FAS: variants seen among roughly 807,000 people sequenced by gnomAD.
FAS encodes Fas cell surface death receptor, also known as tumor necrosis factor receptor superfamily member 6.
A neutral mutation model predicts 33.2 loss-of-function variants in FAS; 5 were observed. That is an observed-to-expected ratio of 0.15 (90% CI 0.08 to 0.32). The LOEUF (loss-of-function observed/expected upper bound fraction) is 0.32, where lower values mean the gene tolerates loss of function less well. Ranked by LOEUF, FAS falls within the 10% of genes least tolerant of loss-of-function variation. The pLI is 1.00. For missense variants in FAS, 339 were observed against 386.0 expected (o/e 0.88, Z 1.02); for synonymous variants, 131 against 130.7 (o/e 1.00, Z -0.01).
intron 1 of FAS, among the ~76,000 whole-genome samples, chr10:89,001,013 C>G (rs1256284514): frequency 6.6e-6 from 1 of 152,238 alleles, no homozygotes; most frequent in African/African-American, 2.4e-5. Flanking sequence ...GATTGTGCCA[C>G]TGTGCTCCAG....
chr10:88,996,743 AT>A (rs1272943803), intron 1 of FAS, among the ~76,000 whole-genome samples: 1 of 152,232 alleles, frequency 6.6e-6, no homozygotes, highest in East Asian at 1.9e-4. Context: ...GTTATATACC[AT>A]AAATATATAT....
upstream of FAS, chr10:88,990,405 A>G (rs1013189911): frequency 4.0e-5 from 18 of 445,952 alleles, no homozygotes; most frequent in Admixed American, 3.7e-4. This position sits in a 1 kb window ranked among gnomAD's most constrained non-coding sequence, Gnocchi z 4.9. Flanking sequence ...TAGAAAGGGC[A>G]GGAGGCCGGC....
At chr10:88,992,878 A>G (rs760170390) in intron 1 of FAS, among the ~76,000 whole-genome samples, 2 of 152,184 alleles carry the variant, frequency 1.3e-5, no homozygotes, top group Non-Finnish European at 2.9e-5. Flanking sequence ...GTGTCACCTC[A>G]TGTGTCTACA....
intron 2 of FAS, among the ~76,000 whole-genome samples, chr10:88,975,911 G>A (rs1846550944): frequency 6.6e-6 from 1 of 152,142 alleles, no homozygotes; most frequent in Non-Finnish European, 1.5e-5. Context: ...TATGCAGTGA[G>A]ATTAATAGAA....
chr10:89,015,141 C>A lies in FAS; in HGVS notation c.*691C>A. ...CATTTTACTGGCTCAAAACTACCTA[C>A]TTCTTTCTCAGGCATCAAAAGCATT... On this transcript the variant is annotated 3_prime_UTR_variant, in exon 9 of 9. Coordinates refer to ENST00000652046, the MANE Select transcript of FAS (RefSeq NM_000043.6). The A allele has an allele frequency of 1.9e-6, 1 of 534,884 alleles. No individual in the cohort carries two copies. The highest frequency in any genetic ancestry group is 1.5e-5 in the South Asian group (1 of 65,174). 33.1% of individuals were successfully genotyped at this position (534,884 alleles called of 1,614,324 possible). A position where few individuals can be genotyped will look rare whatever the true frequency, so the allele number is the denominator to read the frequency against.
chr10:88,967,061 G>T (rs1419250716), intron 1 of FAS, among the ~76,000 whole-genome samples: 2 of 152,158 alleles, frequency 1.3e-5, no homozygotes, highest in Non-Finnish European at 2.9e-5. Context: ...ACATACTTTA[G>T]CCCCTAGAAA....
chr10:88,995,677 A>C (rs1363963588), intron 1 of FAS, among the ~76,000 whole-genome samples: 1 of 152,088 alleles, frequency 6.6e-6, no homozygotes, highest in Non-Finnish European at 1.5e-5. Context: ...AAAATACACA[A>C]ATTAGCTGGG....
intron 2 of FAS, among the ~76,000 whole-genome samples, chr10:89,006,674 T>G (rs879577202): frequency 6.6e-6 from 1 of 152,182 alleles, no homozygotes; most frequent in Non-Finnish European, 1.5e-5. Context: ...GCACTTGATA[T>G]CAATATATTT....
upstream of FAS, chr10:88,989,625 C>G (rs1344644129): frequency 9.5e-6 from 5 of 526,556 alleles, no homozygotes; most frequent in Non-Finnish European, 3.8e-6. Flanking sequence ...GGAAAGCCCT[C>G]AGGAGGGTAA....
At chr10:89,007,004 T>G (rs1450634918) in intron 2 of FAS, among the ~76,000 whole-genome samples, 2 of 152,216 alleles carry the variant, frequency 1.3e-5, no homozygotes, top group African/African-American at 4.8e-5. Context: ...AACTCATCAG[T>G]ACATATCCTG....
At chr10:89,002,724 G>C (rs1847998666) in intron 1 of FAS, 1 of 391,278 alleles carries the variant, frequency 2.6e-6, no homozygotes, top group South Asian at 2.4e-5. Flanking sequence ...ACTGAGACTT[G>C]GAGAATGTAA....
At chr10:88,989,475 A>G (rs1329192177), upstream of FAS, 1 of 543,194 alleles carries the variant, frequency 1.8e-6, no homozygotes, top group African/African-American at 1.9e-5. Context: ...TTAGATGCTC[A>G]GAGTGTGTGC....
At chr10:88,970,459 A>G (rs1272482298) in intron 1 of FAS, among the ~76,000 whole-genome samples, 1 of 152,176 alleles carries the variant, frequency 6.6e-6, no homozygotes, top group Non-Finnish European at 1.5e-5. Flanking sequence ...GAGGGCGTTC[A>G]GTTAGTGCTG....
upstream of FAS, among the ~76,000 whole-genome samples, chr10:88,982,302 T>G (rs1846730141): frequency 6.6e-6 from 1 of 152,234 alleles, no homozygotes; most frequent in Non-Finnish European, 1.5e-5. Context: ...CTAAGTGATC[T>G]AAATGAAGAG....
At chr10:88,985,612 T>C (rs930251981), upstream of FAS, among the ~76,000 whole-genome samples, 2 of 152,198 alleles carry the variant, frequency 1.3e-5, no homozygotes, top group African/African-American at 2.4e-5. Context: ...CAGCCTTTTC[T>C]AACAGGGAAA....
intron 2 of FAS, among the ~76,000 whole-genome samples, chr10:88,976,676 G>A (rs1021294495): frequency 7.9e-5 from 12 of 152,150 alleles, no homozygotes; most frequent in African/African-American, 2.7e-4. Flanking sequence ...ACCAACTATT[G>A]AGACAGATGA....
At chr10:88,989,158 G>A (rs1847018173), upstream of FAS, among the ~76,000 whole-genome samples, 1 of 152,040 alleles carries the variant, frequency 6.6e-6, no homozygotes, top group Non-Finnish European at 1.5e-5. Context: ...ATCTCACTGG[G>A]CTATAATGAT....
rs1290926270 is a variant in FAS, at chr10:88,990,891, G to A, written c.15G>A (p.Trp5Ter). 1.2e-6 allele frequency: 2 copies of A among 1,614,122 alleles called. No homozygotes were observed. Reference sequence around the variant, plus strand: ...GCTCAACAACCATGCTGGGCATCTGGACCCTCCTACCTCTGGTGAGCCCTC... The same window carrying A: ...GCTCAACAACCATGCTGGGCATCTGAACCCTCCTACCTCTGGTGAGCCCTC... MLGI[W>*]TLLPLVLTSV... is the part of the protein sequence containing the mutation. Residue 5 changes from tryptophan to a stop codon, truncating the protein, a stop_gained, in exon 1 of 9, where the codon TGG becomes TGA. Transcript: ENST00000652046. LOFTEE classifies it high-confidence loss of function. This position sits in a 1 kb window ranked among gnomAD's most constrained non-coding sequence, Gnocchi z 4.9.
At chr10:88,971,682 C>T (rs958693839) in intron 1 of FAS, among the ~76,000 whole-genome samples, 1 of 152,098 alleles carries the variant, frequency 6.6e-6, no homozygotes, top group East Asian at 1.9e-4. Flanking sequence ...TAATAGGACA[C>T]GTGTAAGACT....
Sources: gnomAD v4.1 joint callset for allele counts (sites outside exome capture counted in the v4.1 genomes callset) on GRCh38, gnomAD v4.1.1 for gene constraint, Gnocchi (gnomAD v3.1) non-coding constraint, MANE v1.5 for transcripts, NCBI Gene and HGNC (gene_info 2026-07-23, HGNC 2026-07-21) for gene names.